LRBA: variants seen among roughly 807,000 people sequenced by gnomAD.
LRBA encodes the protein lipopolysaccharide-responsive and beige-like anchor protein.
LRBA carries 176 observed loss-of-function variants against 330.0 expected under a neutral mutation model. The observed-to-expected ratio is 0.53, with a 90% confidence interval of 0.47 to 0.60. The LOEUF (loss-of-function observed/expected upper bound fraction) is 0.60, where lower values mean the gene tolerates loss of function less well. Ranked by LOEUF, LRBA falls within the 20% of genes least tolerant of loss-of-function variation. The pLI is 0.00. For missense variants in LRBA, 3,259 were observed against 3,444.8 expected (o/e 0.95, Z 1.35); for synonymous variants, 1,230 against 1,193.0 (o/e 1.03, Z -0.64).
At chr4:150,964,267 GCCC>G (rs1738624812) in intron 2 of LRBA, among the ~76,000 whole-genome samples, 1 of 146,312 alleles carries the variant, frequency 6.8e-6, no homozygotes, top group Non-Finnish European at 1.5e-5. Flanking sequence ...CTGCCCAGCA[GCCC>G]CGTCTGGGAA....
intron 40 of LRBA, among the ~76,000 whole-genome samples, chr4:150,533,123 A>G (rs1241921804): frequency 2.6e-5 from 4 of 152,176 alleles, no homozygotes; most frequent in African/African-American, 7.2e-5. Flanking sequence ...TTAGCAACTG[A>G]CAATATCAAT....
At chr4:150,507,015 T>C (rs1356413633) in intron 40 of LRBA, among the ~76,000 whole-genome samples, 13 of 148,960 alleles carry the variant, frequency 8.7e-5, no homozygotes, top group South Asian at 2.1e-4. Flanking sequence ...GAATCCAACT[T>C]ACAAGGGATG....
intron 48 of LRBA, among the ~76,000 whole-genome samples, chr4:150,345,010 T>C (rs189881323): frequency 4.6e-5 from 7 of 152,336 alleles, no homozygotes; most frequent in African/African-American, 1.7e-4. Flanking sequence ...TCTGTGTAGG[T>C]AACTTCTGCT....
At chr4:150,744,237 C>G (rs1197193708) in intron 35 of LRBA, among the ~76,000 whole-genome samples, 1 of 152,154 alleles carries the variant, frequency 6.6e-6, no homozygotes, top group Non-Finnish European at 1.5e-5. Context: ...TAATTTCCCT[C>G]TAGAGACCTA....
intron 40 of LRBA, among the ~76,000 whole-genome samples, chr4:150,568,116 G>C (rs542516176): frequency 6.2e-4 from 94 of 152,172 alleles, no homozygotes; most frequent in African/African-American, 2.2e-3. Context: ...GACCAGTCTA[G>C]TCAACATAGT....
chr4:150,660,581 A>G (rs1263838155), intron 37 of LRBA, among the ~76,000 whole-genome samples: 2 of 147,964 alleles, frequency 1.4e-5, no homozygotes, highest in South Asian at 2.2e-4. Flanking sequence ...CCAACAGCTC[A>G]TTGAGAACGG....
intron 17 of LRBA, among the ~76,000 whole-genome samples, chr4:150,888,377 C>A (rs1220636520): frequency 6.6e-6 from 1 of 152,110 alleles, no homozygotes; most frequent in South Asian, 2.1e-4. Flanking sequence ...AAACTTTTTT[C>A]TCTCTTCAAT....
intron 40 of LRBA, among the ~76,000 whole-genome samples, chr4:150,567,328 T>C (rs1769263026): frequency 6.6e-6 from 1 of 151,984 alleles, no homozygotes. Flanking sequence ...AAGGAAAGCT[T>C]TGGAGCTTCT....
At chr4:150,573,708 T>C (rs1561372188) in intron 40 of LRBA, among the ~76,000 whole-genome samples, 1 of 152,192 alleles carries the variant, frequency 6.6e-6, no homozygotes, top group South Asian at 2.1e-4. Context: ...ATATAGCATC[T>C]TTTACAGTTT....
intron 4 of LRBA, among the ~76,000 whole-genome samples, chr4:150,925,750 C>T (rs57518605): frequency 0.076 from 11,501 of 151,974 alleles, 822 homozygotes; most frequent in African/African-American, 0.19. Flanking sequence ...CTATAATTTT[C>T]TATGCTTATG....
At chr4:150,454,181 G>A (rs991040836) in intron 44 of LRBA, among the ~76,000 whole-genome samples, 2 of 151,994 alleles carry the variant, frequency 1.3e-5, no homozygotes, top group East Asian at 3.9e-4. Flanking sequence ...GGATGGTCTT[G>A]ATCTCCTGAC....
intron 54 of LRBA, among the ~76,000 whole-genome samples, chr4:150,283,305 G>A (rs564351035): frequency 6.6e-6 from 1 of 152,222 alleles, no homozygotes; most frequent in Non-Finnish European, 1.5e-5. Context: ...CACTCCCAAC[G>A]CCTGGGTGGA....
chr4:150,430,536 G>A (rs1257034631), intron 46 of LRBA, among the ~76,000 whole-genome samples: 2 of 152,050 alleles, frequency 1.3e-5, no homozygotes, highest in African/African-American at 4.8e-5. Flanking sequence ...TTTTACTGTA[G>A]GTATCTCCTC....
At chr4:150,653,144 A>T (rs1581931430) in intron 37 of LRBA, among the ~76,000 whole-genome samples, 2 of 152,146 alleles carry the variant, frequency 1.3e-5, no homozygotes, top group Admixed American at 1.3e-4. Flanking sequence ...GGAATTCAAG[A>T]CCAGCCTCGG....
At chr4:150,364,988 G>T (rs998409897) in intron 47 of LRBA, among the ~76,000 whole-genome samples, 4 of 151,714 alleles carry the variant, frequency 2.6e-5, no homozygotes, top group East Asian at 3.9e-4. Flanking sequence ...TACACACACA[G>T]AGAGAAAGTG....
At chr4:150,470,212 T>C (rs1755927897) in intron 43 of LRBA, among the ~76,000 whole-genome samples, 1 of 152,148 alleles carries the variant, frequency 6.6e-6, no homozygotes, top group East Asian at 1.9e-4. Context: ...TGTAATTACA[T>C]CTACAGTTAC....
chr4:150,432,687 C>T (rs1043654475), intron 46 of LRBA, among the ~76,000 whole-genome samples: 7 of 151,294 alleles, frequency 4.6e-5, no homozygotes, highest in South Asian at 4.2e-4. Context: ...CCTCGTGATC[C>T]GCCCGCCTCG....
At chr4:150,697,009 C>A (rs1013239468) in intron 36 of LRBA, among the ~76,000 whole-genome samples, 118 of 146,802 alleles carry the variant, frequency 8.0e-4, no homozygotes, top group African/African-American at 2.8e-3. Context: ...AGAGACCCTG[C>A]CTCAAAAAAG....
intron 35 of LRBA, among the ~76,000 whole-genome samples, chr4:150,757,805 A>T (rs1345155558): frequency 2.6e-5 from 4 of 152,166 alleles, no homozygotes; most frequent in Non-Finnish European, 5.9e-5. Context: ...TTTTACCTCC[A>T]CTATTTCACT....
Sources: gnomAD v4.1 joint callset for allele counts (sites outside exome capture counted in the v4.1 genomes callset) on GRCh38, gnomAD v4.1.1 for gene constraint, MANE v1.5 for transcripts, NCBI Gene and HGNC (gene_info 2026-07-23, HGNC 2026-07-21) for gene names.